Variants in TMC8 observed in about 807,000 individuals in gnomAD.
TMC8 encodes transmembrane channel like 8.
In TMC8, 71 loss-of-function variants were observed where a neutral mutation model predicts 76.0. That is an observed-to-expected ratio of 0.93 (90% CI 0.77 to 1.14). The LOEUF (loss-of-function observed/expected upper bound fraction) is 1.14. TMC8 is among the 50% of genes most tolerant of loss of function. The pLI is 0.00. For missense variants in TMC8, 924 were observed against 947.9 expected (o/e 0.97, Z 0.33); for synonymous variants, 433 against 433.8 (o/e 1.00, Z 0.02).
At chr17:78,140,005 G>C (rs1018333374) in intron 15 of TMC8, among the ~76,000 whole-genome samples, 4 of 152,032 alleles carry the variant, frequency 2.6e-5, no homozygotes, top group Non-Finnish European at 5.9e-5. Flanking sequence ...CCGCCCCATT[G>C]CACTCCAGCC....
At chr17:78,138,251 T>G in intron 12 of TMC8, 63 bp downstream of exon 12, 1 of 1,612,620 alleles carries the variant, frequency 6.2e-7, no homozygotes, top group Non-Finnish European at 8.5e-7. Context: ...TGAGCTGGGC[T>G]CGCCTCCTGC....
rs1383948718 is a variant in TMC8, at chr17:78,141,009, C to G, written c.2078C>G (p.Pro693Arg). ...GGCCACCAGGCCCCGCGGCCGGGCC[C>G]CTCCGTCGTGGATGCCGCGGGACTG... Reference protein sequence around the residue: ...SPGHQAPRPGPSVVDAAGLRS... With the variant: ...SPGHQAPRPGRSVVDAAGLRS... The change falls in exon 16 of 16, where the codon CCC (proline) becomes CGC (arginine). Residue 693 changes from proline to arginine, a missense_variant. Physicochemically the swap from Pro to Arg is moderately radical, Grantham distance 103 (BLOSUM62 -2). Transcript: ENST00000318430. 6.3e-7 allele frequency: 1 copy of G among 1,597,222 alleles called. No homozygotes were observed.
chr17:78,134,625 C>T, intron 8 of TMC8, 61 bp downstream of exon 8: 1 of 1,598,922 alleles, frequency 6.3e-7, no homozygotes, highest in Non-Finnish European at 8.5e-7. Context: ...ACAGGATGAT[C>T]CCATTTTACA....
chr17:78,140,073 T>A (rs1258047365), intron 15 of TMC8, among the ~76,000 whole-genome samples: 2 of 152,080 alleles, frequency 1.3e-5, no homozygotes, highest in Non-Finnish European at 2.9e-5. Flanking sequence ...CATGGCTGAG[T>A]GCAGTGGCTC....
At position 78,140,911 on chromosome 17, in the gene TMC8, C is replaced by A; in HGVS notation, c.1980C>A (p.Gly660=). The change falls in exon 16 of 16, where the codon GGC becomes GGA. Residue 660 remains glycine, a synonymous_variant. Transcript: ENST00000318430. The part of the protein sequence containing the change: ...LPEPGPSDSP[G]PKYPASQASR... The stretch of plus-strand genomic sequence containing the variant: ...AGCCAGGCCCGAGCGACTCTCCGGG[C>A]CCCAAGTACCCTGCCTCCCAAGCTT... 1 of 1,606,118 alleles carries A rather than the reference C, an allele frequency of 6.2e-7. No homozygotes were observed. Among genetic ancestry groups the A allele is most frequent in the Non-Finnish European group, 8.5e-7 (1 of 1,177,130 alleles).
intron 15 of TMC8, 126 bp downstream of exon 15, chr17:78,139,366 C>T: frequency 1.9e-6 from 2 of 1,062,016 alleles, no homozygotes; most frequent in South Asian, 1.4e-5. Flanking sequence ...GGCGTGGCCT[C>T]AGGCTGAGAG....
chr17:78,132,605 G>T, intron 4 of TMC8, 97 bp downstream of exon 4: 1 of 1,536,930 alleles, frequency 6.5e-7, no homozygotes. Flanking sequence ...CGCTGGGCGT[G>T]GTCCTGCCGT....
chr17:78,131,762 G>C (rs772216975), intron 2 of TMC8, 25 bp downstream of exon 2: 5 of 1,565,750 alleles, frequency 3.2e-6, no homozygotes, highest in Non-Finnish European at 4.3e-6. Context: ...GGCGCCAGAC[G>C]GTGCGTGGGG....
chr17:78,136,098 C>G (rs2075221746), intron 9 of TMC8, among the ~76,000 whole-genome samples: 1 of 152,274 alleles, frequency 6.6e-6, no homozygotes, highest in South Asian at 2.1e-4. Context: ...ACCCCTAGCT[C>G]CCTCAACAGG....
chr17:78,142,059 C>G lies in TMC8; in HGVS notation c.*947C>G, dbSNP rs549892247. 6.5e-6 allele frequency: 1 copy of G among 152,786 alleles called. No individual in the cohort carries two copies. The highest frequency in any genetic ancestry group is 2.4e-5 in the African/African-American group (1 of 41,598). 9.5% of individuals were successfully genotyped at this position (152,786 alleles called of 1,614,324 possible). ...GGCCACAAGGGCAGGGCCCGGCCCC[C>G]CTCCCAAGGCTGTGTCTGATATTCT... On this transcript the variant is annotated 3_prime_UTR_variant, in exon 16 of 16. Transcript: ENST00000318430.
chr17:78,140,164 A>G (rs1458225498), intron 15 of TMC8, among the ~76,000 whole-genome samples: 1 of 152,186 alleles, frequency 6.6e-6, no homozygotes, highest in African/African-American at 2.4e-5. Context: ...CTCTACTAAA[A>G]ATCAAATAAA....
At position 78,141,439 on chromosome 17, in the gene TMC8, C is replaced by T. The variant is rs771563300; in HGVS notation, c.*327C>T. ...TAGAGCCATGAGTGCAATTTATACA[C>T]ATACATCTATTGGGAATGCTCAGAA... On this transcript the variant is annotated 3_prime_UTR_variant, in exon 16 of 16. Coordinates refer to ENST00000318430, the MANE Select transcript of TMC8 (RefSeq NM_152468.5). The T allele has an allele frequency of 8.7e-6, 2 of 229,950 alleles. No homozygotes were observed. Among genetic ancestry groups the T allele is most frequent in the Non-Finnish European group, 1.7e-5 (2 of 118,256 alleles). The allele number at this position is 229,950 out of a possible 1,614,324, so 14.2% of individuals were successfully genotyped here. A position where few individuals can be genotyped will look rare whatever the true frequency, so the allele number is the denominator to read the frequency against.
Position 78,132,465 on chromosome 17 carries a change from G to A in TMC8, c.405G>A (p.Leu135=), listed in dbSNP as rs1402482066. 1 of 1,612,182 alleles carries A rather than the reference G, an allele frequency of 6.2e-7. No homozygotes were observed. The highest frequency in any genetic ancestry group is 1.3e-5 in the African/African-American group (1 of 75,030). ...CCGCAAGCTTCGTGCTGCTGCCCCT[G>A]GTCTGGCTCCGCCCCCCTGACCCAG... The part of the protein sequence containing the change: ...LLTASFVLLP[L]VWLRPPDPGP... Residue 135 remains leucine, a synonymous_variant, in exon 4 of 16, where the codon CTG becomes CTA. Transcript: ENST00000318430.
At chr17:78,132,140 C>A (rs1313389098) in intron 3 of TMC8, 110 bp downstream of exon 3, 37 of 1,485,162 alleles carry the variant, frequency 2.5e-5, no homozygotes, top group Non-Finnish European at 3.3e-5. Context: ...GGTCCCCCGA[C>A]CAATCGGCCC....
At chr17:78,139,461 G>A (rs2075319568) in intron 15 of TMC8, among the ~76,000 whole-genome samples, 1 of 152,170 alleles carries the variant, frequency 6.6e-6, no homozygotes, top group African/African-American at 2.4e-5. Flanking sequence ...CTTAGGGGCT[G>A]GGCCTTTGCC....
At chr17:78,140,283 T>A (rs1440588488) in intron 15 of TMC8, among the ~76,000 whole-genome samples, 1 of 150,724 alleles carries the variant, frequency 6.6e-6, no homozygotes. Flanking sequence ...GTGGTCTTGC[T>A]ACTGCAATCC....
rs1173033656 is a variant in TMC8 at position 78,133,688 on chromosome 17, C to T, written c.668+146C>T. ...GTGCTTCCTCAGCCCAGGCTCTGGCCGCAAACCTTAGGAACAGGGCCACCG... is the reference window on the plus strand; with the variant it reads ...GTGCTTCCTCAGCCCAGGCTCTGGCTGCAAACCTTAGGAACAGGGCCACCG... On this transcript the variant is annotated intron_variant, in intron 6 of 15. Coordinates refer to ENST00000318430, the MANE Select transcript of TMC8 (RefSeq NM_152468.5). 13 of 1,537,900 alleles carry T rather than the reference C, an allele frequency of 8.5e-6. No individual in the cohort carries two copies. In the East Asian group the frequency reaches 1.6e-4, roughly 19 times the overall value.
Position 78,141,097 on chromosome 17 carries a change from C to T in TMC8, c.2166C>T (p.Ser722=), listed in dbSNP as rs768075808. 1.0e-4 allele frequency: 162 copies of T among 1,573,908 alleles called. No individual in the cohort carries two copies. The highest frequency in any genetic ancestry group is 1.4e-4 in the Non-Finnish European group (160 of 1,165,782). ...CCGCCCGCAGATTCCGCTTCCCCAG[C>T]GGCGCGGAGCTGTAACCCCTACCCC... is the stretch of plus-strand genomic sequence containing the variant. ...PASARRFRFP[S]GAEL The change falls in exon 16 of 16, where the codon AGC becomes AGT. Residue 722 remains serine (S), a synonymous_variant. Coordinates refer to ENST00000318430, the MANE Select transcript of TMC8 (RefSeq NM_152468.5).
intron 15 of TMC8, 92 bp from the exon 16 acceptor site, chr17:78,140,742 C>A: frequency 6.6e-7 from 1 of 1,517,724 alleles, no homozygotes; most frequent in South Asian, 1.2e-5. Flanking sequence ...TGCGGGCTGG[C>A]CCATGGGCCG....
Sources: gnomAD v4.1 joint callset for allele counts (sites outside exome capture counted in the v4.1 genomes callset) on GRCh38, gnomAD v4.1.1 for gene constraint, MANE v1.5 for transcripts, NCBI Gene and HGNC (gene_info 2026-07-23, HGNC 2026-07-21) for gene names.